The following ATM variants were observed in gnomAD, a reference collection of about 807,000 sequenced individuals.
The protein encoded by ATM is ATM serine/threonine kinase, also known as serine-protein kinase ATM.
ATM carries 308 observed loss-of-function variants against 387.0 expected under a neutral mutation model. The observed-to-expected ratio is 0.80, with a 90% CI of 0.73 to 0.87. The LOEUF (loss-of-function observed/expected upper bound fraction) is 0.87. Ranked by LOEUF, ATM falls within the 40% of genes least tolerant of loss-of-function variation. The probability of loss-of-function intolerance (pLI) is 0.00; values close to 1 mark genes in which losing one functional copy is unlikely to be tolerated. For synonymous variants in ATM, 1,156 were observed against 1,187.3 expected (o/e 0.97, Z 0.54); for missense variants, 3,312 against 3,560.9 (o/e 0.93, Z 1.78).
chr11:108,306,794 G>A (rs554046516), intron 37 of ATM, among the ~76,000 whole-genome samples: 3 of 152,268 alleles, frequency 2.0e-5, no homozygotes, highest in South Asian at 2.1e-4. Flanking sequence ...AAAAGCAAAC[G>A]TGTCATCTTC....
intron 61 of ATM, among the ~76,000 whole-genome samples, chr11:108,363,508 C>G (rs1008960928): frequency 6.6e-6 from 1 of 152,158 alleles, no homozygotes; most frequent in African/African-American, 2.4e-5. Context: ...GGACAGTTGG[C>G]AATGTCTGGA....
chr11:108,230,111 T>C (rs966492157), intron 4 of ATM: 1 of 152,142 alleles, frequency 6.6e-6, no homozygotes. Flanking sequence ...CATCTTTGAA[T>C]AGCATTAACA....
At chr11:108,268,757 C>A in intron 18 of ATM, 148 bp downstream of exon 18, 1 of 889,550 alleles carries the variant, frequency 1.1e-6, no homozygotes, top group Non-Finnish European at 1.8e-6. Flanking sequence ...TGGAAAATAA[C>A]ACTTTTAACG....
rs863224298 is a variant in ATM at position 108,331,548 on chromosome 11, C to T, written c.7620C>T (p.Val2540=). Residue 2540 remains valine (V), a synonymous_variant, in exon 51 of 63, where the codon GTC becomes GTT. Transcript: ENST00000675843. ...KMMGGLGFHE[V]LNNLISRISM... ...TGGGAGGCCTAGGATTTCATGAAGTCCTCAATAATGTAAGTAAACCTGAAA... is the reference window on the plus strand; with the variant it reads ...TGGGAGGCCTAGGATTTCATGAAGTTCTCAATAATGTAAGTAAACCTGAAA... The T allele has an allele frequency of 5.0e-6, 8 of 1,610,768 alleles. No individual in the cohort carries two copies. The highest frequency in any genetic ancestry group is 6.8e-6 in the Non-Finnish European group (8 of 1,178,798).
At chr11:108,292,823 A>G in intron 30 of ATM, 30 bp downstream of exon 30, 2 of 1,605,328 alleles carry the variant, frequency 1.2e-6, no homozygotes, top group Non-Finnish European at 1.7e-6. Flanking sequence ...TCAAAATGGT[A>G]TTTAAAATAT....
intron 55 of ATM, 193 bp downstream of exon 55, chr11:108,335,302 A>G: frequency 6.7e-7 from 1 of 1,495,178 alleles, no homozygotes; most frequent in East Asian, 2.6e-5. Context: ...TCTGAAAGAC[A>G]ATCATTATTA....
At chr11:108,354,564 C>T (rs1289299015) in intron 60 of ATM, among the ~76,000 whole-genome samples, 1 of 152,174 alleles carries the variant, frequency 6.6e-6, no homozygotes, top group Non-Finnish European at 1.5e-5. Flanking sequence ...GTGGTGCATG[C>T]CTGTAATCAA....
rs1188227095 is a variant in ATM at position 108,367,314 on chromosome 11, A to G, written c.*1806A>G. 1 of 182,924 alleles carries G rather than the reference A, an allele frequency of 5.5e-6. No individual in the cohort carries two copies. The highest frequency in any genetic ancestry group is 1.2e-5 in the Non-Finnish European group (1 of 86,150). The allele number at this position is 182,924 out of a possible 1,614,324, so 11.3% of individuals were successfully genotyped here. On this transcript the variant is annotated 3_prime_UTR_variant, in exon 63 of 63. Transcript: ENST00000675843. ...ATTCCCCTCATTTTTGACCGTAAGG[A>G]TTTCCCCTTTCTTGTAAGTTCTGCT...
chr11:108,270,317 G>A (rs1209610101), intron 18 of ATM, among the ~76,000 whole-genome samples: 1 of 152,132 alleles, frequency 6.6e-6, no homozygotes, highest in Non-Finnish European at 1.5e-5. Context: ...TCAACCACTG[G>A]TCTATTATCC....
intron 16 of ATM, among the ~76,000 whole-genome samples, chr11:108,265,328 G>T (rs1054400385): frequency 2.7e-4 from 41 of 152,180 alleles, no homozygotes; most frequent in African/African-American, 9.9e-4. Context: ...AAATAACGCT[G>T]CATATCTACA....
intron 17 of ATM, among the ~76,000 whole-genome samples, chr11:108,267,622 G>A (rs2081332890): frequency 6.6e-6 from 1 of 152,118 alleles, no homozygotes; most frequent in South Asian, 2.1e-4. Flanking sequence ...ACTTTGGGAG[G>A]CCAAGGCGGG....
At position 108,284,562 on chromosome 11, in the gene ATM, G is replaced by A. The variant is rs1015474721; in HGVS notation, c.3993+89G>A. The A allele has an allele frequency of 5.2e-5, 79 of 1,533,546 alleles. 1 individual carries two copies. Among genetic ancestry groups the A allele is most frequent in the Non-Finnish European group, 6.5e-5 (72 of 1,116,258 alleles). 95.0% of individuals were successfully genotyped at this position (1,533,546 alleles called of 1,614,324 possible). On this transcript the variant is annotated intron_variant, in intron 26 of 62. Coordinates refer to ENST00000675843, the MANE Select transcript of ATM (RefSeq NM_000051.4). ...TTAAGGCTATTTATTCGATTTATTC[G>A]TATTTATATATTGAAACTTAGCTTG...
chr11:108,297,160 C>T, intron 32 of ATM, 127 bp from the exon 33 acceptor site: 1 of 736,694 alleles, frequency 1.4e-6, no homozygotes, highest in Non-Finnish European at 2.2e-6. Context: ...TTGAGCTACT[C>T]ATGACTTAAA....
At chr11:108,256,154 A>ATAT (rs1172437013) in intron 13 of ATM, 61 bp from the exon 14 acceptor site, 2 of 1,401,154 alleles carry the variant, frequency 1.4e-6, no homozygotes, top group African/African-American at 2.9e-5. Context: ...TTCTTACAAA[A>ATAT]GATAGAGTAT....
rs1237700879 is a variant in ATM at position 108,304,806 on chromosome 11, C to G, written c.5628C>G (p.His1876Gln). 6.2e-7 allele frequency: 1 copy of G among 1,613,588 alleles called. No homozygotes were observed. The highest frequency in any genetic ancestry group is 8.5e-7 in the Non-Finnish European group (1 of 1,179,964). The stretch of plus-strand genomic sequence containing the variant: ...GATTTTTCACCAGCTGTCTTCGACA[C>G]TTCTCGCAAACGAGCCGATCCACAA... Reference protein sequence around the residue: ...VQGFFTSCLRHFSQTSRSTTP... With the variant: ...VQGFFTSCLRQFSQTSRSTTP... Residue 1876 changes from histidine to glutamine, a missense_variant, in exon 37 of 63, where the codon CAC becomes CAG. Transcript: ENST00000675843.
chr11:108,267,066 G>T (rs1420694657), intron 16 of ATM, 105 bp from the exon 17 acceptor site: 3 of 1,182,804 alleles, frequency 2.5e-6, no homozygotes, highest in Non-Finnish European at 3.7e-6. Context: ...AAATTGCTGA[G>T]ATTACAGATG....
chr11:108,303,459 A>G (rs1331964592), intron 36 of ATM, among the ~76,000 whole-genome samples: 2 of 152,150 alleles, frequency 1.3e-5, no homozygotes, highest in South Asian at 2.1e-4. Flanking sequence ...GAGTAAAGGT[A>G]CATACCAAAT....
At chr11:108,240,650 C>A (rs2079510953) in intron 5 of ATM, among the ~76,000 whole-genome samples, 1 of 151,912 alleles carries the variant, frequency 6.6e-6, no homozygotes, top group Non-Finnish European at 1.5e-5. Flanking sequence ...AGAGGAGGTA[C>A]AGTAAAAGTA....
intron 4 of ATM, among the ~76,000 whole-genome samples, chr11:108,232,438 A>G (rs1421310355): frequency 6.6e-6 from 1 of 151,918 alleles, no homozygotes; most frequent in Non-Finnish European, 1.5e-5. Context: ...ATTGGTATCC[A>G]AGGTATGATG....
Sources: gnomAD v4.1 joint callset for allele counts (sites outside exome capture counted in the v4.1 genomes callset) on GRCh38, gnomAD v4.1.1 for gene constraint, MANE v1.5 for transcripts, NCBI Gene and HGNC (gene_info 2026-07-23, HGNC 2026-07-21) for gene names.